ARB2A: variants seen among roughly 807,000 people sequenced by gnomAD.
ARB2A encodes the protein cotranscriptional regulator ARB2A.
the ARB2A span, among the ~76,000 whole-genome samples, chr5:93,679,598 G>A: frequency 1.3e-5 from 2 of 151,974 alleles, no homozygotes; most frequent in African/African-American, 4.8e-5. Context: ...CACAAAAATA[G>A]CTTAAGTTTA....
the ARB2A span, among the ~76,000 whole-genome samples, chr5:93,907,224 T>C: frequency 6.6e-6 from 1 of 151,370 alleles, no homozygotes; most frequent in African/African-American, 2.4e-5. Flanking sequence ...TAAGAGATAC[T>C]CCAGTGAATG....
chr5:93,811,214 G>A, the ARB2A span, among the ~76,000 whole-genome samples: 33 of 152,178 alleles, frequency 2.2e-4, no homozygotes, highest in African/African-American at 7.9e-4. Flanking sequence ...AGCCAACCAG[G>A]GGTTTGGCCA....
At chr5:93,621,952 T>C in the ARB2A span, among the ~76,000 whole-genome samples, 4 of 152,190 alleles carry the variant, frequency 2.6e-5, no homozygotes, top group African/African-American at 9.6e-5. Context: ...AGGTTAGTTG[T>C]CAATTTATGG....
chr5:94,044,397 A>C, the ARB2A span, among the ~76,000 whole-genome samples: 1 of 152,206 alleles, frequency 6.6e-6, no homozygotes, highest in Non-Finnish European at 1.5e-5. Flanking sequence ...AAAGTGATGA[A>C]TGACCCATAT....
the ARB2A span, among the ~76,000 whole-genome samples, chr5:94,048,247 G>T: frequency 2.0e-5 from 3 of 151,796 alleles, no homozygotes; most frequent in African/African-American, 7.3e-5. Context: ...TACAGACAGG[G>T]TTTCACCATG....
the ARB2A span, among the ~76,000 whole-genome samples, chr5:93,790,757 A>AT: frequency 6.6e-6 from 1 of 152,182 alleles, no homozygotes; most frequent in Non-Finnish European, 1.5e-5. Context: ...AACTGACTGT[A>AT]TTTAAAAAAA....
the ARB2A span, among the ~76,000 whole-genome samples, chr5:93,640,341 C>A: frequency 2.7e-5 from 4 of 150,380 alleles, no homozygotes; most frequent in African/African-American, 9.8e-5. Context: ...CCCAGCTACT[C>A]GGGAGGCTGA....
chr5:93,731,434 C>A, the ARB2A span, among the ~76,000 whole-genome samples: 1 of 152,164 alleles, frequency 6.6e-6, no homozygotes, highest in African/African-American at 2.4e-5. Context: ...ACCAACCCTG[C>A]CCACAAACTC....
At chr5:93,967,429 C>G in the ARB2A span, among the ~76,000 whole-genome samples, 2 of 152,088 alleles carry the variant, frequency 1.3e-5, no homozygotes, top group Non-Finnish European at 2.9e-5. Flanking sequence ...GGCCACAGAG[C>G]AAACTGCTTC....
chr5:93,683,627 A>AGT, the ARB2A span: 219 of 1,535,258 alleles, frequency 1.4e-4, 1 homozygote, highest in Non-Finnish European at 1.8e-4. Context: ...TCCACCTTAA[A>AGT]GTGATCATCT....
At chr5:93,633,959 C>T in the ARB2A span, among the ~76,000 whole-genome samples, 9 of 152,134 alleles carry the variant, frequency 5.9e-5, no homozygotes, top group Middle Eastern at 3.4e-3. Context: ...GATGGGGTTT[C>T]GCCATGCTGC....
At chr5:93,706,484 C>T in the ARB2A span, among the ~76,000 whole-genome samples, 1 of 152,136 alleles carries the variant, frequency 6.6e-6, no homozygotes, top group Non-Finnish European at 1.5e-5. Flanking sequence ...GTGATGGCTA[C>T]AACACTGCGC....
chr5:93,899,856 G>T, the ARB2A span, among the ~76,000 whole-genome samples: 1 of 152,068 alleles, frequency 6.6e-6, no homozygotes, highest in Admixed American at 6.6e-5. Flanking sequence ...TGGAGTACTT[G>T]AAAACAACAA....
At chr5:93,634,583 C>G in the ARB2A span, among the ~76,000 whole-genome samples, 1 of 152,104 alleles carries the variant, frequency 6.6e-6, no homozygotes, top group Non-Finnish European at 1.5e-5. Context: ...ATCTCTTTAG[C>G]TAAAATGTTG....
the ARB2A span, among the ~76,000 whole-genome samples, chr5:93,637,678 ATTC>A: frequency 6.6e-6 from 1 of 151,932 alleles, no homozygotes; most frequent in African/African-American, 2.4e-5. Context: ...TTCATATTTT[ATTC>A]TTCTTTTTAA....
the ARB2A span, among the ~76,000 whole-genome samples, chr5:93,847,777 G>A: frequency 5.3e-5 from 8 of 152,144 alleles, no homozygotes; most frequent in African/African-American, 1.9e-4. Context: ...GCACAGAAAG[G>A]TTGAATCACT....
chr5:93,832,963 A>T, the ARB2A span, among the ~76,000 whole-genome samples: 4 of 152,222 alleles, frequency 2.6e-5, no homozygotes, highest in African/African-American at 9.6e-5. Flanking sequence ...ACAATGTCTT[A>T]CAAGAAATAT....
At chr5:93,841,709 A>G in the ARB2A span, among the ~76,000 whole-genome samples, 17 of 152,344 alleles carry the variant, frequency 1.1e-4, no homozygotes, top group East Asian at 2.5e-3. Context: ...TAATCACTTT[A>G]TATAACCCTG....
chr5:93,683,785 C>T, the ARB2A span: 5 of 1,364,530 alleles, frequency 3.7e-6, no homozygotes, highest in Non-Finnish European at 5.2e-6. Flanking sequence ...CTGCAGAGAA[C>T]AGCCGCGCAG....
Sources: allele counts gnomAD v4.1 joint callset (sites outside exome capture counted in the v4.1 genomes callset), GRCh38; gene constraint gnomAD v4.1.1; transcripts MANE v1.5; gene names NCBI Gene and HGNC (gene_info 2026-07-23, HGNC 2026-07-21).